Variants in TRPC3 observed in about 807,000 individuals in gnomAD.
TRPC3 encodes short transient receptor potential channel 3.
In TRPC3, 54 loss-of-function variants were observed where a neutral mutation model predicts 90.9. The observed-to-expected ratio is 0.59, with a 90% CI of 0.48 to 0.75. The LOEUF is 0.75. Ranked by LOEUF, TRPC3 falls within the 30% of genes least tolerant of loss-of-function variation. The pLI, the probability that TRPC3 is intolerant of heterozygous loss-of-function variation, is 0.00. For missense variants in TRPC3, 918 were observed against 1,194.5 expected (o/e 0.77, Z 3.41); for synonymous variants, 424 against 450.9 (o/e 0.94, Z 0.75).
chr4:121,877,842 T>G lies in TRPC3; in HGVS notation c.*1894A>C, dbSNP rs1266520832. On this transcript the variant is annotated 3_prime_UTR_variant, in exon 12 of 12. Coordinates refer to ENST00000379645, the MANE Select transcript of TRPC3 (RefSeq NM_001130698.2). The stretch of plus-strand genomic sequence containing the variant: ...TGGTGTGGATACCATGAGGCTTATC[T>G]TCATACTTCTCTGATCTTCAGATTC... 6.6e-6 allele frequency among the ~76,000 whole-genome samples: 1 copy of G among 151,682 alleles called. No individual in the cohort carries two copies. The highest frequency in any genetic ancestry group is 1.5e-5 in the Non-Finnish European group (1 of 67,986).
intron 10 of TRPC3, among the ~76,000 whole-genome samples, chr4:121,896,302 T>C (rs1470735838): frequency 1.3e-5 from 2 of 151,988 alleles, no homozygotes; most frequent in African/African-American, 2.4e-5. Context: ...TAGTATTGGA[T>C]GCTCTGGCCA....
At chr4:121,945,419 G>T (rs77917665) in intron 1 of TRPC3, among the ~76,000 whole-genome samples, 39 of 152,130 alleles carry the variant, frequency 2.6e-4, no homozygotes, top group Non-Finnish European at 4.9e-4. Context: ...AGAGACATTT[G>T]TAACTCCAAG....
At chr4:121,925,579 A>G (rs776553485) in intron 2 of TRPC3, among the ~76,000 whole-genome samples, 1 of 152,224 alleles carries the variant, frequency 6.6e-6, no homozygotes, top group African/African-American at 2.4e-5. Context: ...CAAAGTGAAC[A>G]AAGTTTCATT....
At chr4:121,879,977 A>G in intron 11 of TRPC3, 99 bp from the exon 12 acceptor site, 1 of 1,133,968 alleles carries the variant, frequency 8.8e-7, no homozygotes, top group East Asian at 2.9e-5. Context: ...TTTGCTTCAT[A>G]AGGTCTCCAA....
At position 121,951,657 on chromosome 4, in the gene TRPC3, G is replaced by A; in HGVS notation, c.24C>T (p.Cys8=). The A allele has an allele frequency of 7.2e-7, 1 of 1,381,840 alleles. No individual in the cohort carries two copies. The highest frequency in any genetic ancestry group is 3.1e-5 in the East Asian group (1 of 32,582). The allele number at this position is 1,381,840 out of a possible 1,614,324, so 85.6% of individuals were successfully genotyped here. ...GGAAGGTCACCCTTGCTTGTTCTTT[G>A]CACTTCCTGACCTTGGTGGACATCG... The part of the protein sequence containing the change: MSTKVRK[C]KEQARVTFPA... Residue 8 remains cysteine (C), a synonymous_variant, in exon 1 of 12, where the codon TGC becomes TGT. Coordinates refer to ENST00000379645, the MANE Select transcript of TRPC3 (RefSeq NM_001130698.2). The surrounding 1 kb of genome is among the most constrained non-coding windows in gnomAD (Gnocchi z 4.4).
intron 3 of TRPC3, among the ~76,000 whole-genome samples, chr4:121,919,541 A>G (rs916050855): frequency 5.3e-5 from 8 of 152,224 alleles, no homozygotes; most frequent in Admixed American, 3.3e-4. Flanking sequence ...GACCAGGACA[A>G]GAGGCCACAC....
intron 10 of TRPC3, among the ~76,000 whole-genome samples, chr4:121,899,340 A>G (rs1161833176): frequency 6.6e-6 from 1 of 152,180 alleles, no homozygotes; most frequent in African/African-American, 2.4e-5. Context: ...CTTTGCTTTC[A>G]ATATTGTGAG....
At chr4:121,880,367 GAA>G (rs1381488595) in intron 11 of TRPC3, among the ~76,000 whole-genome samples, 1 of 152,046 alleles carries the variant, frequency 6.6e-6, no homozygotes, top group African/African-American at 2.4e-5. Flanking sequence ...GGGAAAGAAA[GAA>G]AAAAGAGTAA....
intron 1 of TRPC3, among the ~76,000 whole-genome samples, chr4:121,939,798 G>T (rs1322702727): frequency 6.6e-6 from 1 of 152,164 alleles, no homozygotes; most frequent in African/African-American, 2.4e-5. Flanking sequence ...AAGAAAGTCA[G>T]CCAAGATCCA....
chr4:121,930,911 G>A lies in TRPC3; in HGVS notation c.987+1360C>T, dbSNP rs115684068. ...ATACCACATAATGAATCTCTTCAAA[G>A]GGGTTAGATATAAGGTAAGACTTAC... is the stretch of plus-strand genomic sequence containing the variant. On this transcript the variant is annotated intron_variant, in intron 2 of 11. Coordinates refer to ENST00000379645, the MANE Select transcript of TRPC3 (RefSeq NM_001130698.2). 608 of 324,504 alleles carry A rather than the reference G, an allele frequency of 1.9e-3. 3 individuals carry two copies. Among genetic ancestry groups the A allele is most frequent in the Non-Finnish European group, 2.6e-3 (458 of 172,970 alleles). The allele number at this position is 324,504 out of a possible 1,614,324, so 20.1% of individuals were successfully genotyped here.
At chr4:121,892,697 C>G (rs558659328) in intron 10 of TRPC3, among the ~76,000 whole-genome samples, 1 of 152,166 alleles carries the variant, frequency 6.6e-6, no homozygotes, top group East Asian at 1.9e-4. Context: ...ACTGAATACA[C>G]AAAAGACCTA....
At chr4:121,887,597 C>T in intron 10 of TRPC3, among the ~76,000 whole-genome samples, 1 of 152,164 alleles carries the variant, frequency 6.6e-6, no homozygotes, top group East Asian at 1.9e-4. Flanking sequence ...GGGCCAAAGA[C>T]TGTCCAATAC....
chr4:121,894,570 T>G (rs1473222980), intron 10 of TRPC3, among the ~76,000 whole-genome samples: 2 of 139,192 alleles, frequency 1.4e-5, no homozygotes, highest in South Asian at 2.4e-4. Context: ...TTTTTTTTTT[T>G]TTTTTTTTTT....
intron 3 of TRPC3, among the ~76,000 whole-genome samples, chr4:121,923,285 G>A (rs1578639219): frequency 6.6e-6 from 1 of 152,272 alleles, no homozygotes; most frequent in South Asian, 2.1e-4. Context: ...TCCCTTAACA[G>A]GTCAGCACTG....
intron 4 of TRPC3, among the ~76,000 whole-genome samples, chr4:121,914,327 C>T (rs1729220370): frequency 6.6e-6 from 1 of 152,236 alleles, no homozygotes; most frequent in Non-Finnish European, 1.5e-5. Context: ...GTGCTTCGCA[C>T]ACTTAACCTT....
At position 121,925,152 on chromosome 4, in the gene TRPC3, C is replaced by A; in HGVS notation, c.1042G>T (p.Asp348Tyr). 1.9e-6 allele frequency: 3 copies of A among 1,614,070 alleles called. No individual in the cohort carries two copies. The highest frequency in any genetic ancestry group is 2.5e-6 in the Non-Finnish European group (3 of 1,179,998). The change falls in exon 3 of 12, where the codon GAT becomes TAT. Residue 348 changes from aspartate (D) to tyrosine (Y), a missense_variant. This residue lies in a region of TRPC3 where 609 missense variants were observed against 725.9 expected (regional missense o/e 0.84). Transcript: ENST00000379645. ...ACCTCTTCTGAGTCTCGGCAGAGAT[C>A]CAGCACACCCACTACAAAGTCTTTG... ...QCKDFVVGVL[D>Y]LCRDSEEVEA...
intron 9 of TRPC3, among the ~76,000 whole-genome samples, chr4:121,902,329 A>C (rs763791920): frequency 5.3e-5 from 8 of 152,140 alleles, no homozygotes; most frequent in Non-Finnish European, 1.0e-4. Context: ...GAGATAACTC[A>C]AGGGTTTCTT....
chr4:121,889,428 T>C (rs1728243070), intron 10 of TRPC3, among the ~76,000 whole-genome samples: 1 of 152,142 alleles, frequency 6.6e-6, no homozygotes, highest in African/African-American at 2.4e-5. Flanking sequence ...TGAAGAGACA[T>C]TTGTCAAAAG....
intron 1 of TRPC3, among the ~76,000 whole-genome samples, chr4:121,946,380 A>C (rs1406498112): frequency 6.6e-6 from 1 of 152,228 alleles, no homozygotes; most frequent in Non-Finnish European, 1.5e-5. Flanking sequence ...ACACAGTTAG[A>C]CACCGTAGAA....
Sources: gnomAD v4.1 joint callset for allele counts (sites outside exome capture counted in the v4.1 genomes callset) on GRCh38, gnomAD v4.1.1 for gene constraint, gnomAD v4.1.1 regional missense constraint, Gnocchi (gnomAD v3.1) non-coding constraint, MANE v1.5 for transcripts, NCBI Gene and HGNC (gene_info 2026-07-23, HGNC 2026-07-21) for gene names.